Variants in SPTBN1 observed in about 807,000 individuals in gnomAD.
SPTBN1 encodes spectrin beta, non-erythrocytic 1.
Under a neutral mutation model 266.4 loss-of-function variants are expected in SPTBN1, and 32 were observed. The observed-to-expected ratio is 0.12, with a 90% CI of 0.09 to 0.16. The LOEUF is 0.16. Among genes scored for constraint, SPTBN1 ranks in the 10% least tolerant of loss-of-function variants. The pLI, the probability that SPTBN1 is intolerant of heterozygous loss-of-function variation, is 1.00. For synonymous variants in SPTBN1, 1,336 were observed against 1,162.2 expected (o/e 1.15, Z -3.04); for missense variants, 2,296 against 3,067.1 (o/e 0.75, Z 5.94).
At chr2:54,541,782 GC>G (rs1216338161) in intron 2 of SPTBN1, among the ~76,000 whole-genome samples, 1 of 152,044 alleles carries the variant, frequency 6.6e-6, no homozygotes, top group Non-Finnish European at 1.5e-5. Flanking sequence ...ATTTTATATG[GC>G]AATATAGTAC....
intron 17 of SPTBN1, among the ~76,000 whole-genome samples, chr2:54,635,301 A>G (rs754527121): frequency 6.6e-6 from 1 of 152,248 alleles, no homozygotes; most frequent in Admixed American, 6.5e-5. Context: ...CCGTTGCACT[A>G]GTAAACCATT....
At chr2:54,590,458 A>G (rs145634526) in intron 2 of SPTBN1, among the ~76,000 whole-genome samples, 179 of 152,198 alleles carry the variant, frequency 1.2e-3, no homozygotes, top group Non-Finnish European at 2.2e-3. Flanking sequence ...TGTATATGCT[A>G]AAGCTCTAAA....
At position 54,628,895 on chromosome 2, in the gene SPTBN1, C is replaced by G; in HGVS notation, c.1799-38C>G. 1.3e-6 allele frequency: 2 copies of G among 1,543,270 alleles called. No homozygotes were observed. Among genetic ancestry groups the G allele is most frequent in the Non-Finnish European group, 1.7e-6 (2 of 1,146,310 alleles). On this transcript the variant is annotated intron_variant, in intron 13 of 35. Transcript: ENST00000356805. The surrounding 1 kb of genome is among the most constrained non-coding windows in gnomAD (Gnocchi z 4.3). Reference sequence around the variant, plus strand: ...AGTGAGCCTGCACCCATGCTGAGCTCCCTCACACAGCCACGTTCCTTCCTT... The same window carrying G: ...AGTGAGCCTGCACCCATGCTGAGCTGCCTCACACAGCCACGTTCCTTCCTT...
At chr2:54,484,125 G>GCA (rs1558766416) in intron 1 of SPTBN1, among the ~76,000 whole-genome samples, 1 of 152,194 alleles carries the variant, frequency 6.6e-6, no homozygotes, top group Non-Finnish European at 1.5e-5. Flanking sequence ...GGCAGAGGTT[G>GCA]CAGTGAGCTG....
rs775452268 is a variant in SPTBN1, at chr2:54,579,266, C to T, written c.149-19826C>T. Among the ~76,000 whole-genome samples, 24 of 152,092 alleles carry T rather than the reference C, an allele frequency of 1.6e-4. 1 individual carries two copies. Among genetic ancestry groups the T allele is most frequent in the South Asian group, 6.2e-4 (3 of 4,828 alleles). ...ACATAGAATGAAGTATAACAGCTTC[C>T]GTTTGACCTGAGGCATCCCTCAGGT... On this transcript the variant is annotated intron_variant, in intron 2 of 35. Coordinates refer to ENST00000356805, the MANE Select transcript of SPTBN1 (RefSeq NM_003128.3).
At chr2:54,606,143 T>C (rs186422693) in intron 3 of SPTBN1, among the ~76,000 whole-genome samples, 1 of 152,198 alleles carries the variant, frequency 6.6e-6, no homozygotes, top group African/African-American at 2.4e-5. Flanking sequence ...CCGCATTCAT[T>C]TGAATGTAAG....
intron 32 of SPTBN1, chr2:54,660,585 C>G (rs556440697): frequency 8.1e-6 from 8 of 985,506 alleles, no homozygotes; most frequent in East Asian, 1.1e-4. Flanking sequence ...ATGAAAGATG[C>G]ATTCATTTAT....
chr2:54,601,927 A>G (rs189054442), intron 3 of SPTBN1, among the ~76,000 whole-genome samples: 1 of 152,292 alleles, frequency 6.6e-6, no homozygotes, highest in Admixed American at 6.5e-5. Flanking sequence ...AATATGAGCA[A>G]GTATCATGTA....
intron 2 of SPTBN1, among the ~76,000 whole-genome samples, chr2:54,530,209 T>G (rs1671132968): frequency 6.6e-6 from 1 of 152,166 alleles, no homozygotes; most frequent in South Asian, 2.1e-4. Context: ...GTACTGATAG[T>G]GGAACCACCA....
intron 2 of SPTBN1, among the ~76,000 whole-genome samples, chr2:54,566,766 G>A (rs1217772633): frequency 6.6e-6 from 1 of 152,080 alleles, no homozygotes; most frequent in African/African-American, 2.4e-5. Context: ...GGGAGGCAGA[G>A]GTTGCAGTGA....
At chr2:54,625,660 G>A (rs1678273855) in intron 11 of SPTBN1, among the ~76,000 whole-genome samples, 1 of 152,058 alleles carries the variant, frequency 6.6e-6, no homozygotes, top group South Asian at 2.1e-4. Context: ...GCGCAATCTC[G>A]GCTCACTGCA....
At chr2:54,652,748 G>A (rs556195370) in intron 26 of SPTBN1, 1 of 152,278 alleles carries the variant, frequency 6.6e-6, no homozygotes, top group Non-Finnish European at 1.5e-5. Context: ...TTGGATTTTT[G>A]CCAACTAATA....
intron 2 of SPTBN1, among the ~76,000 whole-genome samples, chr2:54,595,518 G>A (rs1279731490): frequency 6.6e-6 from 1 of 152,244 alleles, no homozygotes; most frequent in Non-Finnish European, 1.5e-5. Context: ...GTGAGGCACA[G>A]AAGTGCCCAC....
chr2:54,594,114 C>T (rs987434557), intron 2 of SPTBN1, among the ~76,000 whole-genome samples: 3 of 152,050 alleles, frequency 2.0e-5, no homozygotes, highest in Admixed American at 6.5e-5. Context: ...TAGGTGTGAG[C>T]CACTGTGTCT....
chr2:54,613,641 A>G (rs1468443666), intron 4 of SPTBN1, among the ~76,000 whole-genome samples: 3 of 152,256 alleles, frequency 2.0e-5, no homozygotes, highest in African/African-American at 7.2e-5. Flanking sequence ...GTAGGTCTGA[A>G]GAGAGAACCA....
At chr2:54,471,077 C>G (rs1693895920) in intron 1 of SPTBN1, among the ~76,000 whole-genome samples, 1 of 152,102 alleles carries the variant, frequency 6.6e-6, no homozygotes, top group Non-Finnish European at 1.5e-5. Flanking sequence ...AGAATGTACT[C>G]AATTAATAAT....
intron 1 of SPTBN1, among the ~76,000 whole-genome samples, chr2:54,524,222 AT>A (rs1670662898): frequency 1.3e-5 from 2 of 151,906 alleles, no homozygotes; most frequent in East Asian, 3.9e-4. Flanking sequence ...TTGATAATTT[AT>A]TTTTTTTCTT....
intron 1 of SPTBN1, among the ~76,000 whole-genome samples, chr2:54,469,292 A>G (rs1693797051): frequency 1.3e-5 from 2 of 152,232 alleles, no homozygotes; most frequent in Non-Finnish European, 2.9e-5. Flanking sequence ...AGCTCTTTCC[A>G]GCAATTTCCT....
intron 1 of SPTBN1, among the ~76,000 whole-genome samples, chr2:54,514,099 TAATA>T (rs1208656734): frequency 6.6e-6 from 1 of 152,210 alleles, no homozygotes; most frequent in African/African-American, 2.4e-5. Flanking sequence ...GGGACTCAAA[TAATA>T]AATCCATTTG....
Sources: gnomAD v4.1 joint callset for allele counts (sites outside exome capture counted in the v4.1 genomes callset) on GRCh38, gnomAD v4.1.1 for gene constraint, Gnocchi (gnomAD v3.1) non-coding constraint, MANE v1.5 for transcripts, NCBI Gene and HGNC (gene_info 2026-07-23, HGNC 2026-07-21) for gene names.